PPP1R12B: variants seen among roughly 807,000 people sequenced by gnomAD.
PPP1R12B encodes the protein myosin phosphatase target subunit 2.
Under a neutral mutation model 126.1 loss-of-function variants are expected in PPP1R12B, and 76 were observed. The observed-to-expected ratio is 0.60, with a 90% CI of 0.50 to 0.73. The LOEUF (loss-of-function observed/expected upper bound fraction) is 0.73. PPP1R12B is among the 30% of genes least tolerant of loss of function. The pLI, the probability that PPP1R12B is intolerant of heterozygous loss-of-function variation, is 0.00. For synonymous variants in PPP1R12B, 356 were observed against 434.7 expected, an observed-to-expected ratio of 0.82 and a Z score of 2.25; for missense variants, 1,052 against 1,205.1, an observed-to-expected ratio of 0.87 and a Z score of 1.88.
At chr1:202,577,776 C>T (rs1689226285) in intron 23 of PPP1R12B, among the ~76,000 whole-genome samples, 2 of 152,072 alleles carry the variant, frequency 1.3e-5, no homozygotes, top group Non-Finnish European at 2.9e-5. Flanking sequence ...CCCCTGTAGC[C>T]CCTTCCTCTT....
rs371913300 is a variant in PPP1R12B at position 202,364,574 on chromosome 1, TTTTA to T, written c.291+15444_291+15447del. 6.1e-4 allele frequency among the ~76,000 whole-genome samples: 93 copies of T among 151,596 alleles called. No individual in the cohort carries two copies. The South Asian group carries it at 0.011, about 18-fold the overall frequency. ...TTAATTTTTTAATTAATTTATTTAT[TTTTA>T]TTTATTTATTTTTTTTGAGACGGAG... is the stretch of plus-strand genomic sequence containing the variant. On this transcript the variant is annotated intron_variant, in intron 1 of 23. Transcript: ENST00000608999.
At chr1:202,430,951 A>C in intron 7 of PPP1R12B, 141 bp downstream of exon 7, 1 of 1,268,814 alleles carries the variant, frequency 7.9e-7, no homozygotes, top group Non-Finnish European at 1.0e-6. Flanking sequence ...CTTGTGGGAA[A>C]CTTTGTGGGA....
intron 1 of PPP1R12B, among the ~76,000 whole-genome samples, chr1:202,393,105 C>A (rs529897180): frequency 6.6e-6 from 1 of 152,122 alleles, no homozygotes; most frequent in East Asian, 1.9e-4. Context: ...ACCACCAAGC[C>A]TGGCCAATTT....
At position 202,490,572 on chromosome 1, in the gene PPP1R12B, A is replaced by G. The variant is rs554414205; in HGVS notation, c.1941+1949A>G. On this transcript the variant is annotated intron_variant, in intron 14 of 23. Transcript: ENST00000608999. ...TTTACATTGTTGTATAACTATCACC[A>G]CCATTCATCTCTAGAACTTTCTTCC... Among the ~76,000 whole-genome samples, 3 of 152,266 alleles carry G rather than the reference A, an allele frequency of 2.0e-5. No individual in the cohort carries two copies. The South Asian group carries it at 6.2e-4, about 32-fold the overall frequency.
At chr1:202,496,351 A>G (rs1679550040) in intron 17 of PPP1R12B, among the ~76,000 whole-genome samples, 1 of 152,232 alleles carries the variant, frequency 6.6e-6, no homozygotes. Flanking sequence ...AACTTGGACA[A>G]GACGACCCTG....
chr1:202,450,043 T>TGTAATGG (rs1344311939), intron 13 of PPP1R12B, among the ~76,000 whole-genome samples: 1 of 152,224 alleles, frequency 6.6e-6, no homozygotes, highest in Non-Finnish European at 1.5e-5. Flanking sequence ...AGACAATTGT[T>TGTAATGG]AGGCATTATT....
Position 202,464,914 on chromosome 1 carries a change from TA to T in PPP1R12B, c.1850+15744del, listed in dbSNP as rs534449276. Among the ~76,000 whole-genome samples, 732 of 152,250 alleles carry T rather than the reference TA, an allele frequency of 4.8e-3. 2 individuals carry two copies. Among genetic ancestry groups the T allele is most frequent in the African/African-American group, 0.017 (701 of 41,546 alleles). On this transcript the variant is annotated intron_variant, in intron 13 of 23. Coordinates refer to ENST00000608999, the MANE Select transcript of PPP1R12B (RefSeq NM_002481.4). ...ATGTCCTTGAGAGCAAAATTGTGTT[TA>T]GGTAGGTATATTAAGAGTTCAGAGA...
In PPP1R12B at chr1:202,585,763, C is replaced by A. The variant is rs1007363481; in HGVS notation, c.*5203C>A. The stretch of plus-strand genomic sequence containing the variant: ...GATGTTGCAATGGCTTTCCCTCCTG[C>A]TGGCTTGGTAAGAATATTAAAGCCT... On this transcript the variant is annotated 3_prime_UTR_variant, in exon 24 of 24. Coordinates refer to ENST00000608999, the MANE Select transcript of PPP1R12B (RefSeq NM_002481.4). 2.6e-5 allele frequency: 4 copies of A among 152,202 alleles called. No individual in the cohort carries two copies. Among genetic ancestry groups the A allele is most frequent in the Non-Finnish European group, 5.9e-5 (4 of 68,036 alleles). 9.4% of individuals were successfully genotyped at this position (152,202 alleles called of 1,614,324 possible). A position where few individuals can be genotyped will look rare whatever the true frequency, so the allele number is the denominator to read the frequency against.
chr1:202,402,066 CAG>C (rs551071425), intron 1 of PPP1R12B, among the ~76,000 whole-genome samples: 241 of 152,344 alleles, frequency 1.6e-3, no homozygotes, highest in Admixed American at 3.0e-3. Flanking sequence ...TCAAAGGAGA[CAG>C]GGGGCGTTTC....
chr1:202,559,210 C>T (rs575817354), intron 19 of PPP1R12B, among the ~76,000 whole-genome samples: 1 of 152,144 alleles, frequency 6.6e-6, no homozygotes, highest in Non-Finnish European at 1.5e-5. Flanking sequence ...ATGAATAAGA[C>T]AGTATCCTTA....
intron 1 of PPP1R12B, among the ~76,000 whole-genome samples, chr1:202,380,953 G>A (rs1199684463): frequency 6.6e-6 from 1 of 152,144 alleles, no homozygotes. Flanking sequence ...AATTTATAAA[G>A]CAATTACTTC....
At chr1:202,420,833 G>A (rs1668642152) in intron 2 of PPP1R12B, among the ~76,000 whole-genome samples, 1 of 152,148 alleles carries the variant, frequency 6.6e-6, no homozygotes, top group South Asian at 2.1e-4. Context: ...GAAGGCTTTT[G>A]AGCTTTATAC....
rs1271025658 is a variant in PPP1R12B at position 202,585,339 on chromosome 1, TGTGA to T, written c.*4782_*4785del. On this transcript the variant is annotated 3_prime_UTR_variant, in exon 24 of 24. Coordinates refer to ENST00000608999, the MANE Select transcript of PPP1R12B (RefSeq NM_002481.4). ...AGGCAGGGTCTAACCCTTCATAAGA[TGTGA>T]GTTCTTCCAACCCAATAAGCAGGCA... 1 of 152,234 alleles carries T rather than the reference TGTGA, an allele frequency of 6.6e-6. No individual in the cohort carries two copies. The highest frequency in any genetic ancestry group is 2.4e-5 in the African/African-American group (1 of 41,460). The allele number at this position is 152,234 out of a possible 1,614,324, so 9.4% of individuals were successfully genotyped here.
chr1:202,361,952 CT>C (rs1280587958), intron 1 of PPP1R12B, among the ~76,000 whole-genome samples: 1 of 151,998 alleles, frequency 6.6e-6, no homozygotes, highest in Non-Finnish European at 1.5e-5. Flanking sequence ...TTGTTGTGCT[CT>C]TTGAGGCCTA....
chr1:202,535,589 G>T (rs1684454313), intron 18 of PPP1R12B, among the ~76,000 whole-genome samples: 1 of 152,046 alleles, frequency 6.6e-6, no homozygotes, highest in Admixed American at 6.6e-5. Context: ...CGACTACCTG[G>T]TGCTCTTAAT....
In PPP1R12B at chr1:202,493,399, A is replaced by C. The variant is rs1278248444; in HGVS notation, c.2145+82A>C. On this transcript the variant is annotated intron_variant, in intron 15 of 23. Coordinates refer to ENST00000608999, the MANE Select transcript of PPP1R12B (RefSeq NM_002481.4). ...AGTATCTTCTTCACTGGTAGTTCAAAGGCTGTGTTCTACCTTGCAATGGAC... is the reference window on the plus strand; with the variant it reads ...AGTATCTTCTTCACTGGTAGTTCAACGGCTGTGTTCTACCTTGCAATGGAC... 4.2e-6 allele frequency: 6 copies of C among 1,415,322 alleles called. No individual in the cohort carries two copies. In the Admixed American group the frequency reaches 1.3e-4, roughly 30 times the overall value. 87.7% of individuals were successfully genotyped at this position (1,415,322 alleles called of 1,614,324 possible). A position where few individuals can be genotyped will look rare whatever the true frequency, so the allele number is the denominator to read the frequency against.
intron 1 of PPP1R12B, among the ~76,000 whole-genome samples, chr1:202,375,611 T>C (rs183426187): frequency 6.6e-6 from 1 of 152,242 alleles, no homozygotes; most frequent in African/African-American, 2.4e-5. Context: ...GTTCTCACTA[T>C]GTTGTGCAGT....
chr1:202,447,274 C>T (rs1672406724), intron 12 of PPP1R12B, among the ~76,000 whole-genome samples: 1 of 152,176 alleles, frequency 6.6e-6, no homozygotes, highest in African/African-American at 2.4e-5. Flanking sequence ...GAAACTCAGA[C>T]CAAATGGTTA....
rs904152084 is a variant in PPP1R12B, at chr1:202,588,721, A to G, written c.*8161A>G. The G allele has an allele frequency of 6.6e-6, 1 of 152,102 alleles. No homozygotes were observed. The highest frequency in any genetic ancestry group is 1.5e-5 in the Non-Finnish European group (1 of 68,030). The allele number at this position is 152,102 out of a possible 1,614,324, so 9.4% of individuals were successfully genotyped here. A position where few individuals can be genotyped will look rare whatever the true frequency, so the allele number is the denominator to read the frequency against. ...AGAGGCCCCTTCCCCAGGGACAGCC[A>G]CAGTGAGTCATGGCCACTGAGAAGG... On this transcript the variant is annotated 3_prime_UTR_variant, in exon 24 of 24. Coordinates refer to ENST00000608999, the MANE Select transcript of PPP1R12B (RefSeq NM_002481.4).
Sources: gnomAD v4.1 joint callset for allele counts (sites outside exome capture counted in the v4.1 genomes callset) on GRCh38, gnomAD v4.1.1 for gene constraint, MANE v1.5 for transcripts, NCBI Gene and HGNC (gene_info 2026-07-23, HGNC 2026-07-21) for gene names.